GOLGA4: variants seen among roughly 807,000 people sequenced by gnomAD.
GOLGA4 encodes the protein golgin A4, also known as golgin subfamily A member 4.
Under a neutral mutation model 265.9 loss-of-function variants are expected in GOLGA4, and 169 were observed. That is an observed-to-expected ratio of 0.64 (90% confidence interval 0.56 to 0.72). GOLGA4 has a LOEUF of 0.72. GOLGA4 is among the 30% of genes least tolerant of loss of function. The pLI, the probability that GOLGA4 is intolerant of heterozygous loss-of-function variation, is 0.00. For missense variants in GOLGA4, 2,482 were observed against 2,483.4 expected (o/e 1.00, Z 0.01); for synonymous variants, 923 against 855.8 (o/e 1.08, Z -1.37).
chr3:37,278,128 A>G (rs1185585601), intron 2 of GOLGA4, among the ~76,000 whole-genome samples: 3 of 151,902 alleles, frequency 2.0e-5, no homozygotes, highest in African/African-American at 7.3e-5. Context: ...GTAATTCAAT[A>G]AAGTTTTTTT....
At chr3:37,333,924 C>T (rs935429131) in intron 16 of GOLGA4, among the ~76,000 whole-genome samples, 1 of 152,134 alleles carries the variant, frequency 6.6e-6, no homozygotes, top group Non-Finnish European at 1.5e-5. Context: ...ACTATGTTTG[C>T]ATTTGTTTTT....
chr3:37,273,398 T>C, intron 2 of GOLGA4: 1 of 608,412 alleles, frequency 1.6e-6, no homozygotes, highest in Non-Finnish European at 2.9e-6. Flanking sequence ...GAAAACATTC[T>C]AATAAATGAA....
Position 37,324,747 on chromosome 3 carries a change from A to C in GOLGA4, c.2861A>C (p.Lys954Thr). The C allele has an allele frequency of 6.3e-7, 1 of 1,585,504 alleles. No homozygotes were observed. The highest frequency in any genetic ancestry group is 8.5e-7 in the Non-Finnish European group (1 of 1,172,474). Residue 954 changes from lysine (K) to threonine (T), a missense_variant, in exon 14 of 24, where the codon AAA becomes ACA. By Grantham distance (78) the Lys-to-Thr change is moderately conservative. Around this residue, in one of 3 missense-constraint regions of GOLGA4, gnomAD observed 1,536 missense variants for 1,483.7 expected, o/e 1.04. Transcript: ENST00000361924. ...EYETKFKNQE[K>T]KMEKVKQKAK... is the part of the protein sequence containing the mutation. ...GAAACCAAATTTAAAAACCAAGAAA[A>C]AAAGATGGAAAAAGTTAAGCAGAAA... is the stretch of plus-strand genomic sequence containing the variant.
chr3:37,365,029 G>A (rs902749524), intron 23 of GOLGA4, among the ~76,000 whole-genome samples: 2 of 151,974 alleles, frequency 1.3e-5, no homozygotes, highest in Non-Finnish European at 2.9e-5. Flanking sequence ...CTGAGTAGCT[G>A]GGACTACAGA....
chr3:37,309,057 G>A (rs973000429), intron 10 of GOLGA4, among the ~76,000 whole-genome samples: 28 of 150,918 alleles, frequency 1.9e-4, no homozygotes, highest in African/African-American at 6.6e-4. Context: ...TTTGAGAATA[G>A]CCTGGCCAAC....
intron 5 of GOLGA4, among the ~76,000 whole-genome samples, chr3:37,290,841 C>G (rs535779199): frequency 1.3e-5 from 2 of 152,094 alleles, no homozygotes; most frequent in Non-Finnish European, 2.9e-5. Context: ...TTTTGTTTCT[C>G]CTGCCTTATA....
intron 2 of GOLGA4, among the ~76,000 whole-genome samples, chr3:37,253,063 A>G (rs549864634): frequency 6.6e-6 from 1 of 152,200 alleles, no homozygotes; most frequent in East Asian, 1.9e-4. Context: ...AGCCTGGGCA[A>G]CAGAGTGAGA....
At chr3:37,298,767 A>G (rs2096885068) in intron 7 of GOLGA4, 66 bp from the exon 8 acceptor site, 3 of 1,076,928 alleles carry the variant, frequency 2.8e-6, no homozygotes, top group South Asian at 3.1e-5. Context: ...TGTCTCAGTC[A>G]TAATTTTCCA....
chr3:37,346,977 G>A (rs566288688), intron 20 of GOLGA4, among the ~76,000 whole-genome samples: 2 of 152,188 alleles, frequency 1.3e-5, no homozygotes, highest in Non-Finnish European at 2.9e-5. Context: ...AAAGATGTGA[G>A]AAATAAAATT....
chr3:37,286,036 T>G lies in GOLGA4; in HGVS notation c.500T>G (p.Leu167Arg), dbSNP rs1348351663. The part of the protein sequence containing the change: ...YSELVTAYQM[L>R]QREKKKLQGI... Reference sequence around the variant, plus strand: ...TAGCTTGTTACAGCTTATCAGATGCTTCAGAGAGAGAAGAAAAAGCTACAA... The same window carrying G: ...TAGCTTGTTACAGCTTATCAGATGCGTCAGAGAGAGAAGAAAAAGCTACAA... Residue 167 changes from leucine to arginine, a missense_variant, in exon 4 of 24, where the codon CTT becomes CGT. This residue lies in a region of GOLGA4 where 1,536 missense variants were observed against 1,483.7 expected (regional missense o/e 1.04). Transcript: ENST00000361924. 1.3e-6 allele frequency: 2 copies of G among 1,580,318 alleles called. No individual in the cohort carries two copies. The highest frequency in any genetic ancestry group is 2.2e-5 in the East Asian group (1 of 44,592).
intron 16 of GOLGA4, among the ~76,000 whole-genome samples, chr3:37,329,885 G>A (rs1311387506): frequency 6.6e-6 from 1 of 152,028 alleles, no homozygotes; most frequent in African/African-American, 2.4e-5. Context: ...GAATCTTTTG[G>A]TGATTAAGAA....
In GOLGA4 at chr3:37,325,006, C is replaced by G; in HGVS notation, c.3120C>G (p.Leu1040=). The G allele has an allele frequency of 6.2e-7, 1 of 1,612,960 alleles. No individual in the cohort carries two copies. The highest frequency in any genetic ancestry group is 8.5e-7 in the Non-Finnish European group (1 of 1,179,526). ...TTACTGAGGTTCATCGACGAGAACT[C>G]AATGATGTCATATCAATCTGGGAAA... is the stretch of plus-strand genomic sequence containing the variant. The part of the protein sequence containing the change: ...ESLTEVHRRE[L]NDVISIWEKK... The change falls in exon 14 of 24, where the codon CTC becomes CTG. Residue 1040 remains leucine, a synonymous_variant. Coordinates refer to ENST00000361924, the MANE Select transcript of GOLGA4 (RefSeq NM_002078.5).
rs749363115 is a variant in GOLGA4 at position 37,327,398 on chromosome 3, G to A, written c.5512G>A (p.Val1838Ile). ...KQNLENVFDDVQKTLQEKELT... is the reference protein window; with the variant it reads ...KQNLENVFDDIQKTLQEKELT... Reference sequence around the variant, plus strand: ...AAACTTGGAAAATGTGTTTGACGACGTCCAGAAAACCCTCCAGGAGAAGGA... The same window carrying A: ...AAACTTGGAAAATGTGTTTGACGACATCCAGAAAACCCTCCAGGAGAAGGA... Residue 1838 changes from valine to isoleucine, a missense_variant, in exon 14 of 24, where the codon GTC becomes ATC. This residue lies in a region of GOLGA4 where 942 missense variants were observed against 983.1 expected (regional missense o/e 0.96). Transcript: ENST00000361924. The A allele has an allele frequency of 9.9e-6, 16 of 1,613,862 alleles. No homozygotes were observed. In the East Asian group the frequency reaches 2.0e-4, roughly 20 times the overall value.
Position 37,340,117 on chromosome 3 carries a change from T to C in GOLGA4, c.6397-7T>C, listed in dbSNP as rs1484073962. On this transcript the variant is annotated splice_region_variant and splice_polypyrimidine_tract_variant and intron_variant, in intron 19 of 23. Transcript: ENST00000361924. ...TCTTATATGGTCTGATTATTTGTTA[T>C]TTTTAGATTCACAATTTAGAAGACC... 1 of 1,136,962 alleles carries C rather than the reference T, an allele frequency of 8.8e-7. No homozygotes were observed. The highest frequency in any genetic ancestry group is 1.3e-6 in the Non-Finnish European group (1 of 761,182). 70.4% of individuals were successfully genotyped at this position (1,136,962 alleles called of 1,614,324 possible).
intron 2 of GOLGA4, among the ~76,000 whole-genome samples, chr3:37,255,454 C>T (rs934550958): frequency 2.0e-5 from 3 of 152,098 alleles, no homozygotes; most frequent in Non-Finnish European, 4.4e-5. Flanking sequence ...TGAGTCACCA[C>T]GCCTGACCTT....
intron 10 of GOLGA4, chr3:37,302,765 G>A: frequency 1.3e-5 from 2 of 155,574 alleles, no homozygotes; most frequent in Non-Finnish European, 2.8e-5. Context: ...GATGCTTTAG[G>A]GTAAACAAAA....
intron 23 of GOLGA4, among the ~76,000 whole-genome samples, chr3:37,362,470 G>A (rs1264703906): frequency 1.3e-5 from 2 of 151,332 alleles, no homozygotes; most frequent in African/African-American, 2.4e-5. Flanking sequence ...TCGATCTCCT[G>A]ACCTCGTGAT....
chr3:37,290,827 C>T (rs1289457667), intron 5 of GOLGA4, among the ~76,000 whole-genome samples: 1 of 152,026 alleles, frequency 6.6e-6, no homozygotes, highest in African/African-American at 2.4e-5. Context: ...GCTAGGGTAT[C>T]CTCTTTTGTT....
intron 12 of GOLGA4, 60 bp from the exon 13 acceptor site, chr3:37,321,671 A>AC: frequency 1.4e-6 from 2 of 1,429,010 alleles, no homozygotes. Context: ...CTGGGGAAGT[A>AC]CTTTGCGAAT....
Sources: allele counts gnomAD v4.1 joint callset (sites outside exome capture counted in the v4.1 genomes callset), GRCh38; gene constraint gnomAD v4.1.1; regional missense constraint gnomAD v4.1.1; transcripts MANE v1.5; gene names NCBI Gene and HGNC (gene_info 2026-07-23, HGNC 2026-07-21).